GRAMD4: variants seen among roughly 807,000 people sequenced by gnomAD.
GRAMD4 encodes the protein GRAM domain containing 4, also known as GRAM domain-containing protein 4.
A neutral mutation model predicts 83.9 loss-of-function variants in GRAMD4; 25 were observed. The ratio of observed to expected loss-of-function variants is 0.30; its 90% CI spans 0.22 to 0.42. The LOEUF is 0.42. Among genes scored for constraint, GRAMD4 ranks in the 10% least tolerant of loss-of-function variants. GRAMD4 has a pLI of 1.00. For missense variants in GRAMD4, 593 were observed against 788.7 expected (o/e 0.75, Z 2.97); for synonymous variants, 336 against 320.9 (o/e 1.05, Z -0.50).
At chr22:46,635,681 G>A (rs1429572432) in intron 2 of GRAMD4, among the ~76,000 whole-genome samples, 3 of 128,644 alleles carry the variant, frequency 2.3e-5, no homozygotes, top group Non-Finnish European at 4.9e-5. Flanking sequence ...CCTGTCCAGG[G>A]GAGCTGTGTC....
In GRAMD4 at chr22:46,661,434, A is replaced by G. The variant is rs376816295; in HGVS notation, c.458A>G (p.Asn153Ser). ...CCAAAAGGGCAGGCCCAGGCCAGCA[A>G]TGGAGCAGGTACACCCTGGTGGGCG... ...QPPKGQAQAS[N>S]GAERRSQGLS... is the part of the protein sequence containing the mutation. Residue 153 changes from asparagine to serine, a missense_variant, in exon 5 of 19, where the codon AAT becomes AGT. Asn to Ser is a conservative substitution (Grantham distance 46). Around this residue, in one of 4 missense-constraint regions of GRAMD4, gnomAD observed 312 missense variants for 350.7 expected, o/e 0.89. Transcript: ENST00000406902. 1.3e-6 allele frequency: 2 copies of G among 1,565,450 alleles called. No homozygotes were observed. The highest frequency in any genetic ancestry group is 2.7e-5 in the African/African-American group (2 of 73,398).
In GRAMD4 at chr22:46,672,295, G is replaced by A. The variant is rs987754705; in HGVS notation, c.1085-548G>A. ...CGGGGAGAAAACGGAGCTGGTGGAG[G>A]GGAACTTGCGAGGGCGTGGCTGGGA... is the stretch of plus-strand genomic sequence containing the variant. On this transcript the variant is annotated intron_variant, in intron 13 of 18. Coordinates refer to ENST00000406902, the MANE Select transcript of GRAMD4 (RefSeq NM_015124.5). This position sits in a 1 kb window ranked among gnomAD's most constrained non-coding sequence, Gnocchi z 4.7. Among the ~76,000 whole-genome samples, 29 of 152,234 alleles carry A rather than the reference G, an allele frequency of 1.9e-4. No individual in the cohort carries two copies. Among genetic ancestry groups the A allele is most frequent in the East Asian group, 1.5e-3 (8 of 5,170 alleles).
At position 46,675,646 on chromosome 22, in the gene GRAMD4, C is replaced by T. The variant is rs943618197; in HGVS notation, c.1563+94C>T. 5 of 831,552 alleles carry T rather than the reference C, an allele frequency of 6.0e-6. No homozygotes were observed. In the African/African-American group the frequency reaches 6.8e-5, roughly 11 times the overall value. The allele number at this position is 831,552 out of a possible 1,614,324, so 51.5% of individuals were successfully genotyped here. A position where few individuals can be genotyped will look rare whatever the true frequency, so the allele number is the denominator to read the frequency against. On this transcript the variant is annotated intron_variant, in intron 17 of 18. Coordinates refer to ENST00000406902, the MANE Select transcript of GRAMD4 (RefSeq NM_015124.5). ...TTTCCCTATAGACTTCTGCCAGCCT[C>T]TGTCAGCATCTGGGCGCCGCGGCCA...
Position 46,584,475 on chromosome 22 carries a change from G to A in GRAMD4, c.-50+7185G>A, listed in dbSNP as rs117260752. Among the ~76,000 whole-genome samples the A allele has an allele frequency of 7.6e-4, 115 of 152,224 alleles. No homozygotes were observed. In the East Asian group the frequency reaches 0.02, roughly 26 times the overall value. ...TCCGTTTCCTGCATGGATCTTTCTC[G>A]TCTCCTTTCTTGCAGATCAATTCGT... is the stretch of plus-strand genomic sequence containing the variant. On this transcript the variant is annotated intron_variant, in intron 1 of 1. Coordinates refer to the GRAMD4 transcript ENST00000431155.
intron 1 of GRAMD4, among the ~76,000 whole-genome samples, chr22:46,600,632 G>C (rs7284865): frequency 6.6e-6 from 1 of 152,022 alleles, no homozygotes; most frequent in Non-Finnish European, 1.5e-5. Context: ...CGGCAGGTGC[G>C]TCCTGTACAC....
At chr22:46,675,701 C>T (rs918182237) in intron 17 of GRAMD4, 149 bp downstream of exon 17, 6 of 643,998 alleles carry the variant, frequency 9.3e-6, no homozygotes, top group South Asian at 1.8e-5. Context: ...GTTTCCTTGA[C>T]TTGAGTCCCC....
chr22:46,589,854 C>A (rs1569247041), intron 1 of GRAMD4, among the ~76,000 whole-genome samples: 1 of 152,176 alleles, frequency 6.6e-6, no homozygotes, highest in Non-Finnish European at 1.5e-5. Context: ...CCCCAGCAGC[C>A]TGACTGCCTC....
chr22:46,663,709 A>G (rs1050187225), intron 6 of GRAMD4, 129 bp from the exon 7 acceptor site: 2 of 874,666 alleles, frequency 2.3e-6, no homozygotes, highest in African/African-American at 3.3e-5. Context: ...CATTCTGTGC[A>G]CTCAAGGGGT....
chr22:46,679,783 T>A lies in GRAMD4; in HGVS notation c.*2532T>A. On this transcript the variant is annotated 3_prime_UTR_variant, in exon 19 of 19. Transcript: ENST00000406902. ...TAAATAAACCTAAAATGCTTTGTGC[T>A]AAGGCTCAGGGCTGTCTGCCTCCTT... is the stretch of plus-strand genomic sequence containing the variant. 1.0e-6 allele frequency: 1 copy of A among 984,192 alleles called. No individual in the cohort carries two copies. Among genetic ancestry groups the A allele is most frequent in the Non-Finnish European group, 1.2e-6 (1 of 828,634 alleles). The allele number at this position is 984,192 out of a possible 1,614,324, so 61.0% of individuals were successfully genotyped here.
chr22:46,648,707 G>GATGGATGGATGGATGGATGC (rs2082109669), intron 3 of GRAMD4, among the ~76,000 whole-genome samples: 1 of 148,820 alleles, frequency 6.7e-6, no homozygotes, highest in Non-Finnish European at 1.5e-5. Context: ...TGCATGGATG[G>GATGGATGGATGGATGGATGC]ATGGATGGAT....
intron 8 of GRAMD4, among the ~76,000 whole-genome samples, chr22:46,664,953 C>T (rs1368316304): frequency 6.6e-6 from 1 of 152,240 alleles, no homozygotes. Flanking sequence ...GGGACATGGG[C>T]ACTTTGTTCA....
At chr22:46,661,310 C>CG in intron 4 of GRAMD4, 71 bp from the exon 5 acceptor site, 3 of 1,232,078 alleles carry the variant, frequency 2.4e-6, no homozygotes, top group East Asian at 2.3e-5. Context: ...CGAGAGCCCT[C>CG]GGGGGTGCCT....
chr22:46,638,591 G>T (rs2081926399), intron 3 of GRAMD4, among the ~76,000 whole-genome samples: 1 of 152,204 alleles, frequency 6.6e-6, no homozygotes, highest in Admixed American at 6.5e-5. Flanking sequence ...CTGTTGTCCA[G>T]ATGTGGAAAC....
At position 46,624,083 on chromosome 22, in the gene GRAMD4, A is replaced by G. The variant is rs141836647; in HGVS notation, c.-49-2668A>G. Among the ~76,000 whole-genome samples the G allele has an allele frequency of 5.0e-3, 768 of 152,224 alleles. 5 individuals are homozygous for G. The highest frequency in any genetic ancestry group is 0.017 in the African/African-American group (713 of 41,518). ...AGGTGCCAGCCACCGCACCTGGCCTAGTCAAGTTGTCTTGTAACATGGATA... is the reference window on the plus strand; with the variant it reads ...AGGTGCCAGCCACCGCACCTGGCCTGGTCAAGTTGTCTTGTAACATGGATA... On this transcript the variant is annotated intron_variant, in intron 1 of 18. Coordinates refer to ENST00000406902, the MANE Select transcript of GRAMD4 (RefSeq NM_015124.5).
At chr22:46,660,577 T>C (rs1404001674) in intron 4 of GRAMD4, among the ~76,000 whole-genome samples, 4 of 152,208 alleles carry the variant, frequency 2.6e-5, no homozygotes, top group African/African-American at 7.2e-5. Context: ...ACCTCTATTT[T>C]GGTTTTTAAG....
chr22:46,607,907 C>T (rs543811653), intron 1 of GRAMD4, among the ~76,000 whole-genome samples: 3 of 152,188 alleles, frequency 2.0e-5, no homozygotes, highest in Non-Finnish European at 4.4e-5. Flanking sequence ...GCCGCGACTG[C>T]TCCTCTGAGC....
At chr22:46,675,112 CGTGA>C (rs1423547387) in intron 16 of GRAMD4, among the ~76,000 whole-genome samples, 3 of 152,188 alleles carry the variant, frequency 2.0e-5, no homozygotes, top group African/African-American at 7.2e-5. Context: ...GAGCAGTGGC[CGTGA>C]GTGTCTCACT....
intron 2 of GRAMD4, among the ~76,000 whole-genome samples, chr22:46,628,181 C>A (rs551177323): frequency 2.4e-4 from 36 of 152,278 alleles, no homozygotes; most frequent in African/African-American, 8.2e-4. Context: ...GGAGGGGTGA[C>A]GGGGATTCCA....
intron 1 of GRAMD4, among the ~76,000 whole-genome samples, chr22:46,611,946 G>A (rs1416271281): frequency 2.4e-5 from 3 of 123,086 alleles, no homozygotes; most frequent in Middle Eastern, 6.1e-3. Context: ...GCAGTGAGCC[G>A]AGATTACACC....
Sources: gnomAD v4.1 joint callset for allele counts (sites outside exome capture counted in the v4.1 genomes callset) on GRCh38, gnomAD v4.1.1 for gene constraint, gnomAD v4.1.1 regional missense constraint, Gnocchi (gnomAD v3.1) non-coding constraint, MANE v1.5 for transcripts, NCBI Gene and HGNC (gene_info 2026-07-23, HGNC 2026-07-21) for gene names.